The following GRIA1 variants were observed in gnomAD, a reference collection of about 807,000 sequenced individuals.
GRIA1 encodes the protein glutamate ionotropic receptor AMPA type subunit 1, also known as glutamate receptor 1.
In GRIA1, 31 loss-of-function variants were observed where a neutral mutation model predicts 99.2. The ratio of observed to expected loss-of-function variants is 0.31; its 90% confidence interval spans 0.23 to 0.42. The LOEUF (loss-of-function observed/expected upper bound fraction) is 0.42, where lower values mean the gene tolerates loss of function less well. GRIA1 is among the 10% of genes least tolerant of loss of function. The probability of loss-of-function intolerance (pLI) is 1.00; values close to 1 mark genes in which losing one functional copy is unlikely to be tolerated. For missense variants in GRIA1, 782 were observed against 1,157.5 expected (o/e 0.68, Z 4.71); for synonymous variants, 438 against 432.4 (o/e 1.01, Z -0.16).
intron 2 of GRIA1, among the ~76,000 whole-genome samples, chr5:153,563,221 TA>T (rs1761307808): frequency 1.3e-5 from 2 of 152,068 alleles, no homozygotes; most frequent in Middle Eastern, 3.4e-3. Context: ...GTTTTCTTCC[TA>T]AAAGTGGAGC....
chr5:153,697,590 G>A (rs1469200829), intron 8 of GRIA1, among the ~76,000 whole-genome samples: 2 of 152,138 alleles, frequency 1.3e-5, no homozygotes. Flanking sequence ...GAAAAATACA[G>A]TTAACCTAAA....
At chr5:153,766,928 C>CCTGG (rs1333423821) in intron 12 of GRIA1, among the ~76,000 whole-genome samples, 1 of 152,218 alleles carries the variant, frequency 6.6e-6, no homozygotes, top group Non-Finnish European at 1.5e-5. Context: ...GCATATTCTA[C>CCTGG]AAGTTCTGTG....
chr5:153,803,973 A>T (rs1232571782), intron 15 of GRIA1, among the ~76,000 whole-genome samples: 2 of 152,022 alleles, frequency 1.3e-5, no homozygotes, highest in Non-Finnish European at 2.9e-5. Context: ...GGCATTCAGC[A>T]TTTCCCTGTC....
At chr5:153,531,786 A>G (rs1445040339) in intron 2 of GRIA1, among the ~76,000 whole-genome samples, 1 of 152,188 alleles carries the variant, frequency 6.6e-6, no homozygotes, top group East Asian at 1.9e-4. Context: ...AACAGTCAAT[A>G]TATGCCAGAC....
intron 2 of GRIA1, among the ~76,000 whole-genome samples, chr5:153,635,822 C>A (rs1753314603): frequency 6.6e-6 from 1 of 152,212 alleles, no homozygotes; most frequent in Admixed American, 6.5e-5. Context: ...AGGACCCCTG[C>A]CCTCTCAAGA....
chr5:153,716,382 G>T (rs1486436354), intron 11 of GRIA1, among the ~76,000 whole-genome samples: 2 of 152,128 alleles, frequency 1.3e-5, no homozygotes, highest in Non-Finnish European at 2.9e-5. Context: ...GTCCCTTAGG[G>T]CTCCCCAGGG....
intron 8 of GRIA1, among the ~76,000 whole-genome samples, chr5:153,687,378 G>A (rs1446715616): frequency 1.3e-5 from 2 of 152,088 alleles, no homozygotes; most frequent in African/African-American, 4.8e-5. Context: ...TCTAGTAAGT[G>A]GGGATCACCT....
chr5:153,491,638 C>T (rs1236132155), intron 1 of GRIA1, among the ~76,000 whole-genome samples: 1 of 152,054 alleles, frequency 6.6e-6, no homozygotes, highest in Non-Finnish European at 1.5e-5. Context: ...TGCCTTTTCT[C>T]CGTTCCTTCC....
intron 13 of GRIA1, among the ~76,000 whole-genome samples, chr5:153,783,832 G>C (rs1764794198): frequency 6.6e-6 from 1 of 152,230 alleles, no homozygotes; most frequent in African/African-American, 2.4e-5. Flanking sequence ...TGAGTTTGCT[G>C]TGATAAAACA....
chr5:153,625,419 T>C (rs1767503020), intron 2 of GRIA1, among the ~76,000 whole-genome samples: 2 of 152,160 alleles, frequency 1.3e-5, no homozygotes, highest in Non-Finnish European at 2.9e-5. Context: ...AATTCTGGGT[T>C]CAGTTGAGTT....
At chr5:153,624,460 C>G (rs1234898970) in intron 2 of GRIA1, among the ~76,000 whole-genome samples, 1 of 152,186 alleles carries the variant, frequency 6.6e-6, no homozygotes, top group Non-Finnish European at 1.5e-5. Context: ...GGACCAGTTT[C>G]TCACTGATCC....
intron 13 of GRIA1, among the ~76,000 whole-genome samples, chr5:153,792,999 C>A (rs1351914840): frequency 1.3e-5 from 2 of 152,114 alleles, no homozygotes; most frequent in African/African-American, 4.8e-5. Context: ...CTTCAGGGAT[C>A]CATATGCCAC....
At chr5:153,562,097 C>T (rs35984965) in intron 2 of GRIA1, among the ~76,000 whole-genome samples, 2 of 150,048 alleles carry the variant, frequency 1.3e-5, no homozygotes, top group Non-Finnish European at 3.0e-5. Context: ...ATTTGAGAAC[C>T]AAGTTCATTT....
intron 2 of GRIA1, among the ~76,000 whole-genome samples, chr5:153,628,928 C>T (rs1767891373): frequency 6.6e-6 from 1 of 152,168 alleles, no homozygotes; most frequent in South Asian, 2.1e-4. Flanking sequence ...CAGCTTTGTT[C>T]CTCTCCTAGT....
chr5:153,597,721 A>C (rs934617665), intron 2 of GRIA1, among the ~76,000 whole-genome samples: 1 of 152,154 alleles, frequency 6.6e-6, no homozygotes, highest in Non-Finnish European at 1.5e-5. Flanking sequence ...AGAAAATCAC[A>C]GTCTAGCTGG....
intron 2 of GRIA1, among the ~76,000 whole-genome samples, chr5:153,640,748 A>T (rs1010326492): frequency 6.6e-6 from 1 of 152,174 alleles, no homozygotes; most frequent in African/African-American, 2.4e-5. Context: ...GGTAGAAAAC[A>T]TGTCTGTCTT....
chr5:153,602,924 C>T (rs951377091), intron 2 of GRIA1, among the ~76,000 whole-genome samples: 27 of 152,180 alleles, frequency 1.8e-4, no homozygotes, highest in Non-Finnish European at 3.4e-4. Flanking sequence ...GGCTGGTAAA[C>T]TGTCATAGAT....
At position 153,795,679 on chromosome 5, in the gene GRIA1, G is replaced by A. The variant is rs1033627105; in HGVS notation, c.2385+944G>A. 13 of 722,876 alleles carry A rather than the reference G, an allele frequency of 1.8e-5. No individual in the cohort carries two copies. The Admixed American group carries it at 1.8e-4, about 10-fold the overall frequency. 44.8% of individuals were successfully genotyped at this position (722,876 alleles called of 1,614,324 possible). A position where few individuals can be genotyped will look rare whatever the true frequency, so the allele number is the denominator to read the frequency against. ...CCTCCGAGCCTCAGAGAGGCTTGGA[G>A]GCCTTAGAGAGCTGGGCCCCAGCAG... On this transcript the variant is annotated intron_variant, in intron 14 of 15. Coordinates refer to ENST00000285900, the MANE Select transcript of GRIA1 (RefSeq NM_000827.4).
intron 2 of GRIA1, among the ~76,000 whole-genome samples, chr5:153,543,947 G>T (rs1759370435): frequency 6.6e-6 from 1 of 151,916 alleles, no homozygotes; most frequent in Admixed American, 6.6e-5. Context: ...AATAAAGCAT[G>T]GAGGGGGTGA....
Sources: allele counts gnomAD v4.1 joint callset (sites outside exome capture counted in the v4.1 genomes callset), GRCh38; gene constraint gnomAD v4.1.1; transcripts MANE v1.5; gene names NCBI Gene and HGNC (gene_info 2026-07-23, HGNC 2026-07-21).